MUC4: variants seen among roughly 807,000 people sequenced by gnomAD.
The protein encoded by MUC4 is mucin-4.
MUC4 carries 202 observed loss-of-function variants against 257.9 expected under a neutral mutation model. The ratio of observed to expected loss-of-function variants is 0.78; its 90% CI spans 0.70 to 0.88. The LOEUF (loss-of-function observed/expected upper bound fraction) is 0.88, where lower values mean the gene tolerates loss of function less well. MUC4 is among the 40% of genes least tolerant of loss of function. MUC4 has a pLI of 0.00. For missense variants in MUC4, 5,976 were observed against 6,513.7 expected, an observed-to-expected ratio of 0.92 and a Z score of 2.84; for synonymous variants, 2,351 against 2,757.1, an observed-to-expected ratio of 0.85 and a Z score of 4.62.
At position 195,751,319 on chromosome 3, in the gene MUC4, G is replaced by C. The variant is rs369983590; in HGVS notation, c.15583-48C>G. 108 of 1,417,162 alleles carry C rather than the reference G, an allele frequency of 7.6e-5. No individual in the cohort carries two copies. In the Middle Eastern group the frequency reaches 2.1e-3, roughly 27 times the overall value. The allele number at this position is 1,417,162 out of a possible 1,614,324, so 87.8% of individuals were successfully genotyped here. On this transcript the variant is annotated intron_variant, in intron 21 of 24. Coordinates refer to ENST00000463781, the MANE Select transcript of MUC4 (RefSeq NM_018406.7). ...GGGGTGGGGGTGAGGCCCCATCCGG[G>C]GGGGAGACGCCCTCCCACCTTGATG... is the stretch of plus-strand genomic sequence containing the variant.
At position 195,789,682 on chromosome 3, in the gene MUC4, G is replaced by A; in HGVS notation, c.1898C>T (p.Ala633Val). ...STSTSPQESPAVSQRGHTQAP... is the reference protein window; with the variant it reads ...STSTSPQESPVVSQRGHTQAP... ...TTGAGTGTGACCCCTTTGGGAAACA[G>A]CTGGTGATTCCTGAGGAGAGGTGCT... The change falls in exon 2 of 25, where the codon GCT becomes GTT. Residue 633 changes from alanine (A) to valine (V), a missense_variant. Physicochemically the swap from Ala to Val is moderately conservative, Grantham distance 64 (BLOSUM62 0). Transcript: ENST00000463781. 1.9e-6 allele frequency: 3 copies of A among 1,613,994 alleles called. No homozygotes were observed. The highest frequency in any genetic ancestry group is 2.5e-6 in the Non-Finnish European group (3 of 1,179,878).
intron 7 of MUC4, among the ~76,000 whole-genome samples, chr3:195,767,877 T>TGC (rs1560266079): frequency 4.0e-4 from 30 of 74,784 alleles, no homozygotes; most frequent in African/African-American, 1.7e-3. Flanking sequence ...ACCACCACCA[T>TGC]CACCACCATC....
intron 18 of MUC4, 123 bp from the exon 19 acceptor site, chr3:195,754,495 A>G: frequency 7.9e-7 from 1 of 1,262,604 alleles, no homozygotes; most frequent in South Asian, 1.5e-5. Flanking sequence ...CAGCCCCACC[A>G]GCACCTGCTG....
At chr3:195,753,002 G>A (rs1037511461) in intron 20 of MUC4, 49 bp downstream of exon 20, 2 of 1,514,506 alleles carry the variant, frequency 1.3e-6, no homozygotes, top group African/African-American at 1.4e-5. Flanking sequence ...GTGAGAGGGT[G>A]GGGCCCAGGA....
chr3:195,796,239 C>G (rs376480748), intron 1 of MUC4, among the ~76,000 whole-genome samples: 1 of 151,964 alleles, frequency 6.6e-6, no homozygotes, highest in African/African-American at 2.4e-5. Flanking sequence ...CATGCCACCA[C>G]GCCCGGCTAA....
rs62282503 is a variant in MUC4 at position 195,788,677 on chromosome 3, G to C, written c.2903C>G (p.Thr968Arg). ...SPSGSGKTFT[T>R]ALISNATPLP... ...AGGGGTGGCGTTGCTGATGAGGGCC[G>C]TGGTGAAGGTTTTACCAGACCCTGA... is the stretch of plus-strand genomic sequence containing the variant. Residue 968 changes from threonine (T) to arginine (R), a missense_variant, in exon 2 of 25, where the codon ACG becomes AGG. Physicochemically the swap from Thr to Arg is moderately conservative, Grantham distance 71. This residue lies in a region of MUC4 where 1,583 missense variants were observed against 1,257.4 expected (regional missense o/e 1.26). Transcript: ENST00000463781. The C allele has an allele frequency of 2.5e-6, 4 of 1,613,008 alleles. No individual in the cohort carries two copies. In the South Asian group the frequency reaches 3.3e-5, roughly 13 times the overall value.
intron 10 of MUC4, among the ~76,000 whole-genome samples, chr3:195,764,365 G>A (rs1047020775): frequency 2.0e-5 from 3 of 152,090 alleles, no homozygotes; most frequent in African/African-American, 7.2e-5. Context: ...TTGGTGGCAA[G>A]AGCATGGCTT....
chr3:195,762,003 C>G, intron 14 of MUC4, 84 bp downstream of exon 14: 1 of 1,429,168 alleles, frequency 7.0e-7, no homozygotes, highest in Non-Finnish European at 9.4e-7. Flanking sequence ...GGAGGCCGAG[C>G]AGGGCTGCCC....
chr3:195,793,671 G>A (rs911503820), intron 1 of MUC4, among the ~76,000 whole-genome samples: 20 of 152,172 alleles, frequency 1.3e-4, no homozygotes, highest in Admixed American at 7.9e-4. Context: ...TTGTGAGGAG[G>A]AAGGTGAGGT....
chr3:195,780,471 G>T lies in MUC4; in HGVS notation c.11109C>A (p.Ser3703=), dbSNP rs575372271. Residue 3703 remains serine (S), a synonymous_variant, in exon 2 of 25, where the codon TCC becomes TCA. Transcript: ENST00000463781. ...GGGTGGTGTGACCTGAGGATGATGA[G>T]GAAGGGATGGTGACAGGAAGAGGGG... The part of the protein sequence containing the change: ...QATPLPVTIP[S]SSSSGHTTPL... The T allele has an allele frequency of 6.6e-7, 1 of 1,523,888 alleles. No individual in the cohort carries two copies. Among genetic ancestry groups the T allele is most frequent in the African/African-American group, 1.6e-5 (1 of 62,570 alleles). 94.4% of individuals were successfully genotyped at this position (1,523,888 alleles called of 1,614,324 possible). A position where few individuals can be genotyped will look rare whatever the true frequency, so the allele number is the denominator to read the frequency against.
chr3:195,783,915 T>A lies in MUC4; in HGVS notation c.7665A>T (p.Thr2555=), dbSNP rs2948677. 1.9e-5 allele frequency: 28 copies of A among 1,441,734 alleles called. No homozygotes were observed. In the East Asian group the frequency reaches 3.6e-4, roughly 18 times the overall value. 89.3% of individuals were successfully genotyped at this position (1,441,734 alleles called of 1,614,324 possible). A position where few individuals can be genotyped will look rare whatever the true frequency, so the allele number is the denominator to read the frequency against. The change falls in exon 2 of 25, where the codon ACA becomes ACT. Residue 2555 remains threonine (T), a synonymous_variant. Coordinates refer to ENST00000463781, the MANE Select transcript of MUC4 (RefSeq NM_018406.7). ...LHVTSPSSAS[T]GHATSLPVTD... is the part of the protein sequence containing the mutation. The stretch of plus-strand genomic sequence containing the variant: ...TGACAGGAAGAGAGGTGGCGTGACC[T>A]GTGGATGCTGAGGAAGGGCTGGTGA...
At chr3:195,748,072 C>T (rs1715475014) in intron 24 of MUC4, among the ~76,000 whole-genome samples, 1 of 150,780 alleles carries the variant, frequency 6.6e-6, no homozygotes, top group Non-Finnish European at 1.5e-5. Context: ...CTGCAGCTGG[C>T]GGAGGGCCCG....
chr3:195,751,151 G>A, intron 22 of MUC4, 39 bp from the exon 23 acceptor site: 2 of 1,489,208 alleles, frequency 1.3e-6, no homozygotes, highest in Non-Finnish European at 1.8e-6. Context: ...GTGGGGGGCT[G>A]GGGGTGGGGG....
Position 195,789,992 on chromosome 3 carries a change from G to A in MUC4, c.1588C>T (p.Pro530Ser), listed in dbSNP as rs765590838. ...GCTGAGACCTTAGAGGGGACCCTTG[G>A]AATAGTGCCAGCTGTCCCTGTAGAT... ...NPSTGTAGTI[P>S]RVPSKVSAIG... The change falls in exon 2 of 25, where the codon CCA becomes TCA. Residue 530 changes from proline to serine, a missense_variant. This residue lies in a region of MUC4 where 1,583 missense variants were observed against 1,257.4 expected (regional missense o/e 1.26). Transcript: ENST00000463781. The A allele has an allele frequency of 1.2e-6, 2 of 1,613,982 alleles. No homozygotes were observed. Among genetic ancestry groups the A allele is most frequent in the Non-Finnish European group, 1.7e-6 (2 of 1,179,886 alleles).
intron 3 of MUC4, 111 bp downstream of exon 3, chr3:195,778,192 C>T (rs1578178247): frequency 2.9e-6 from 4 of 1,373,004 alleles, no homozygotes; most frequent in South Asian, 1.5e-5. Flanking sequence ...TCCCTGTCCT[C>T]GGTAAGGCCC....
chr3:195,795,106 G>C (rs1334537163), intron 1 of MUC4, among the ~76,000 whole-genome samples: 1 of 152,128 alleles, frequency 6.6e-6, no homozygotes, highest in Non-Finnish European at 1.5e-5. Context: ...TGCAAAACTT[G>C]GTTTCTCCAA....
rs1429329693 is a variant in MUC4 at position 195,786,338 on chromosome 3, T to A, written c.5242A>T (p.Thr1748Ser). The A allele has an allele frequency of 3.3e-6, 5 of 1,517,558 alleles. No homozygotes were observed. In the African/African-American group the frequency reaches 5.8e-5, roughly 18 times the overall value. The allele number at this position is 1,517,558 out of a possible 1,614,324, so 94.0% of individuals were successfully genotyped here. The change falls in exon 2 of 25, where the codon ACT becomes TCT. Residue 1748 changes from threonine (T) to serine (S), a missense_variant. Physicochemically the swap from Thr to Ser is moderately conservative, Grantham distance 58 (BLOSUM62 1). Around this residue, in one of 44 missense-constraint regions of MUC4, gnomAD observed 138 missense variants for 107.8 expected, o/e 1.28. Coordinates refer to ENST00000463781, the MANE Select transcript of MUC4 (RefSeq NM_018406.7). ...STGHASPLLV[T>S]DASSASTGQA... ...CCTGTGGATGCTGAGGAAGCGTCAG[T>A]GACAAGAAGAGGGCTGGCGTGACCT...
chr3:195,808,376 C>T (rs185725596), intron 1 of MUC4, among the ~76,000 whole-genome samples: 12 of 152,232 alleles, frequency 7.9e-5, no homozygotes, highest in East Asian at 1.9e-4. Context: ...CCACCACGCC[C>T]GGCAAAATTT....
At chr3:195,768,011 G>C (rs537584926) in intron 7 of MUC4, among the ~76,000 whole-genome samples, 36 of 151,110 alleles carry the variant, frequency 2.4e-4, no homozygotes, top group Admixed American at 7.2e-4. Flanking sequence ...AGCATGGCCC[G>C]GGAAGGAGGA....
Sources: allele counts gnomAD v4.1 joint callset (sites outside exome capture counted in the v4.1 genomes callset), GRCh38; gene constraint gnomAD v4.1.1; regional missense constraint gnomAD v4.1.1; transcripts MANE v1.5; gene names NCBI Gene and HGNC (gene_info 2026-07-23, HGNC 2026-07-21).